LIN7A: variants seen among roughly 807,000 people sequenced by gnomAD.
The protein encoded by LIN7A is lin-7 cell polarity scaffold A.
LIN7A carries 25 observed loss-of-function variants against 29.8 expected under a neutral mutation model. The ratio of observed to expected loss-of-function variants is 0.84; its 90% CI spans 0.61 to 1.17. The LOEUF (loss-of-function observed/expected upper bound fraction) is 1.17. Ranked by LOEUF, LIN7A falls within the 50% of genes most tolerant of loss-of-function variation. The pLI is 0.00. For missense variants in LIN7A, 239 were observed against 287.0 expected, an observed-to-expected ratio of 0.83 and a Z score of 1.21; for synonymous variants, 118 against 107.5, an observed-to-expected ratio of 1.10 and a Z score of -0.60.
chr12:80,846,098 G>T (rs1450729617), intron 3 of LIN7A, among the ~76,000 whole-genome samples, 159 bp from the exon 4 acceptor site: 1 of 152,148 alleles, frequency 6.6e-6, no homozygotes, highest in Non-Finnish European at 1.5e-5. Context: ...TCTTCATTTA[G>T]ATGCCATCTA....
At chr12:80,870,759 A>C (rs888478042) in intron 2 of LIN7A, among the ~76,000 whole-genome samples, 1 of 152,218 alleles carries the variant, frequency 6.6e-6, no homozygotes, top group Admixed American at 6.5e-5. Flanking sequence ...TAGTGGAGTC[A>C]AGAACATCAG....
At chr12:80,937,155 A>C in intron 1 of LIN7A, 1 of 153,842 alleles carries the variant, frequency 6.5e-6, no homozygotes, top group Non-Finnish European at 1.4e-5. Flanking sequence ...GGACTCCAGC[A>C]GTTGGACCGA....
At chr12:80,892,698 T>TA (rs1273852109) in intron 1 of LIN7A, among the ~76,000 whole-genome samples, 1 of 152,050 alleles carries the variant, frequency 6.6e-6, no homozygotes, top group Non-Finnish European at 1.5e-5. Context: ...AGAGAGGCTT[T>TA]AAAAAAACAC....
intron 1 of LIN7A, among the ~76,000 whole-genome samples, chr12:80,927,552 C>A (rs955643924): frequency 2.0e-5 from 3 of 152,096 alleles, no homozygotes; most frequent in African/African-American, 7.2e-5. Flanking sequence ...TGTGGAAATT[C>A]ATTGGGTATT....
intron 5 of LIN7A, 56 bp downstream of exon 5, chr12:80,811,409 A>ATG (rs1009219880): frequency 8.2e-5 from 52 of 632,068 alleles, no homozygotes; most frequent in Admixed American, 3.5e-4. Flanking sequence ...ATATACATAT[A>ATG]TGTGTGTGTG....
At chr12:80,929,641 T>C (rs1467448992) in intron 1 of LIN7A, among the ~76,000 whole-genome samples, 2 of 152,206 alleles carry the variant, frequency 1.3e-5, no homozygotes, top group East Asian at 1.9e-4. Context: ...CAATGTCTAC[T>C]CTTAGTGATT....
rs543840781 is a variant in LIN7A, at chr12:80,874,591, CATT to C, written c.201+14657_201+14659del. 1.2e-4 allele frequency among the ~76,000 whole-genome samples: 19 copies of C among 152,258 alleles called. 1 individual carries two copies. The South Asian group carries it at 2.9e-3, about 23-fold the overall frequency. On this transcript the variant is annotated intron_variant, in intron 2 of 5. Coordinates refer to ENST00000552864, the MANE Select transcript of LIN7A (RefSeq NM_004664.4). ...ACAAAAAGGCATATATTTTAAAAAT[CATT>C]GTTGTTGGTACAAATGGAACATATA...
intron 1 of LIN7A, among the ~76,000 whole-genome samples, chr12:80,898,505 T>A (rs1876029623): frequency 6.6e-6 from 1 of 152,174 alleles, no homozygotes. Flanking sequence ...AAATAGTTTT[T>A]TTTTTCTAAT....
chr12:80,827,217 C>G (rs535028280), intron 4 of LIN7A, among the ~76,000 whole-genome samples: 1 of 152,044 alleles, frequency 6.6e-6, no homozygotes, highest in Non-Finnish European at 1.5e-5. Context: ...GAAACCCCAT[C>G]TCTACTAAAA....
intron 1 of LIN7A, among the ~76,000 whole-genome samples, chr12:80,902,245 A>G (rs1876257925): frequency 8.3e-6 from 1 of 119,764 alleles, no homozygotes; most frequent in African/African-American, 3.3e-5. Context: ...TACCAGTACC[A>G]AAATGTTTTG....
intron 3 of LIN7A, among the ~76,000 whole-genome samples, chr12:80,846,155 T>G (rs1401271366): frequency 6.6e-6 from 1 of 152,196 alleles, no homozygotes; most frequent in Non-Finnish European, 1.5e-5. Flanking sequence ...TCCAGCTTCC[T>G]AGGGCTTATC....
intron 1 of LIN7A, among the ~76,000 whole-genome samples, chr12:80,904,257 C>A (rs899913572): frequency 6.6e-6 from 1 of 152,120 alleles, no homozygotes; most frequent in Admixed American, 6.5e-5. Flanking sequence ...AATGGCCAAA[C>A]TGTGCCAATC....
At chr12:80,890,150 C>G (rs1875548517) in intron 1 of LIN7A, among the ~76,000 whole-genome samples, 1 of 152,122 alleles carries the variant, frequency 6.6e-6, no homozygotes, top group Non-Finnish European at 1.5e-5. Flanking sequence ...TATCAAGAAA[C>G]ATGTAGTCTT....
intron 1 of LIN7A, among the ~76,000 whole-genome samples, chr12:80,932,562 G>A (rs1313227345): frequency 6.6e-6 from 1 of 152,196 alleles, no homozygotes. Flanking sequence ...CATGTCATAA[G>A]GAAAGTATTA....
chr12:80,797,404 T>C lies in LIN7A; in HGVS notation c.*323A>G, dbSNP rs943191197. 3.3e-5 allele frequency: 5 copies of C among 152,598 alleles called. No homozygotes were observed. The highest frequency in any genetic ancestry group is 1.2e-4 in the African/African-American group (5 of 41,428). The allele number at this position is 152,598 out of a possible 1,614,324, so 9.5% of individuals were successfully genotyped here. On this transcript the variant is annotated 3_prime_UTR_variant, in exon 6 of 6. Transcript: ENST00000552864. ...AAGATTCACTCAATCTTGGCCCTGGTGATTTATTTAAAAGTCATAGACTTT... is the reference window on the plus strand; with the variant it reads ...AAGATTCACTCAATCTTGGCCCTGGCGATTTATTTAAAAGTCATAGACTTT...
intron 4 of LIN7A, among the ~76,000 whole-genome samples, chr12:80,817,948 C>G (rs1039392295): frequency 2.6e-5 from 4 of 152,124 alleles, no homozygotes; most frequent in African/African-American, 9.7e-5. Context: ...TCTGGCAACT[C>G]CTAGCTCAAA....
intron 1 of LIN7A, among the ~76,000 whole-genome samples, chr12:80,934,364 C>A (rs1237318042): frequency 6.6e-6 from 1 of 152,102 alleles, no homozygotes; most frequent in Non-Finnish European, 1.5e-5. Context: ...CACCCAGAGA[C>A]CTTTACAGGG....
At chr12:80,860,561 C>T (rs1281757797) in intron 2 of LIN7A, among the ~76,000 whole-genome samples, 2 of 152,144 alleles carry the variant, frequency 1.3e-5, no homozygotes, top group Non-Finnish European at 2.9e-5. Flanking sequence ...CTTTACAGCC[C>T]TCAAGAGTTA....
intron 2 of LIN7A, among the ~76,000 whole-genome samples, chr12:80,870,871 T>G (rs1874394639): frequency 6.6e-6 from 1 of 152,184 alleles, no homozygotes; most frequent in South Asian, 2.1e-4. Flanking sequence ...ATTCACAAAT[T>G]TTGGGCCACA....
Sources: gnomAD v4.1 joint callset for allele counts (sites outside exome capture counted in the v4.1 genomes callset) on GRCh38, gnomAD v4.1.1 for gene constraint, MANE v1.5 for transcripts, NCBI Gene and HGNC (gene_info 2026-07-23, HGNC 2026-07-21) for gene names.